PM20D2: variants seen among roughly 807,000 people sequenced by gnomAD.
The protein encoded by PM20D2 is peptidase M20 domain containing 2.
Under a neutral mutation model 42.9 loss-of-function variants are expected in PM20D2, and 33 were observed. The ratio of observed to expected loss-of-function variants is 0.77; its 90% CI spans 0.58 to 1.03. The LOEUF (loss-of-function observed/expected upper bound fraction) is 1.03, where lower values mean the gene tolerates loss of function less well. Ranked by LOEUF, PM20D2 falls within the 50% of genes least tolerant of loss-of-function variation. The pLI is 0.00. For synonymous variants in PM20D2, 250 were observed against 228.2 expected, an observed-to-expected ratio of 1.10 and a Z score of -0.86; for missense variants, 548 against 557.0, an observed-to-expected ratio of 0.98 and a Z score of 0.16.
At chr6:89,130,245 G>T in the PM20D2 span, among the ~76,000 whole-genome samples, 1 of 151,812 alleles carries the variant, frequency 6.6e-6, no homozygotes, top group Non-Finnish European at 1.5e-5. Flanking sequence ...CACCACGCGT[G>T]GCTATTTTAT....
intron 1 of PM20D2, among the ~76,000 whole-genome samples, chr6:89,148,021 G>A (rs1267719431): frequency 8.4e-6 from 1 of 118,800 alleles, no homozygotes; most frequent in Non-Finnish European, 1.6e-5. Context: ...TCATTCTGTC[G>A]CCCAGGCCGA....
rs1771345955 is a variant in PM20D2, at chr6:89,164,525, C to A, written c.*2262C>A. 2.0e-5 allele frequency: 3 copies of A among 152,454 alleles called. 1 individual carries two copies. The highest frequency in any genetic ancestry group is 2.0e-4 in the Admixed American group (3 of 15,268). The allele number at this position is 152,454 out of a possible 1,614,324, so 9.4% of individuals were successfully genotyped here. ...TGATCATTAAATCAAATTTTGTAAA[C>A]AGTGGCAGGAGCGTGGACTTAAAAC... On this transcript the variant is annotated 3_prime_UTR_variant, in exon 7 of 7. Transcript: ENST00000275072.
upstream of PM20D2, among the ~76,000 whole-genome samples, chr6:89,142,266 T>C (rs1227374615): frequency 6.6e-6 from 1 of 152,208 alleles, no homozygotes; most frequent in East Asian, 1.9e-4. Context: ...TTAGCCCAGA[T>C]TGATTTTACA....
chr6:89,119,022 C>T, the PM20D2 span, among the ~76,000 whole-genome samples: 1 of 152,178 alleles, frequency 6.6e-6, no homozygotes, highest in Non-Finnish European at 1.5e-5. Flanking sequence ...GAAGAGTGCC[C>T]CTTTTCGCTC....
the PM20D2 span, among the ~76,000 whole-genome samples, chr6:89,095,341 T>G: frequency 6.6e-6 from 1 of 152,206 alleles, no homozygotes; most frequent in Admixed American, 6.6e-5. Context: ...TTCTCGCGCC[T>G]CAGCCTCCTG....
upstream of PM20D2, chr6:89,146,029 G>A (rs1770521665): frequency 1.1e-5 from 10 of 926,788 alleles, no homozygotes; most frequent in Non-Finnish European, 1.3e-5. Context: ...GGAGCTGTGT[G>A]GCCGCGTGCG....
At chr6:89,149,028 A>G (rs546156233) in intron 1 of PM20D2, among the ~76,000 whole-genome samples, 2 of 152,298 alleles carry the variant, frequency 1.3e-5, no homozygotes, top group East Asian at 1.9e-4. Flanking sequence ...AAATTGGGAA[A>G]AGCTTTTTAT....
At chr6:89,149,659 G>A (rs997069986) in intron 2 of PM20D2, among the ~76,000 whole-genome samples, 4 of 152,154 alleles carry the variant, frequency 2.6e-5, no homozygotes, top group African/African-American at 9.7e-5. Context: ...CAAACATGTT[G>A]ACAATTAAGT....
chr6:89,120,195 C>A, the PM20D2 span, among the ~76,000 whole-genome samples: 2 of 152,166 alleles, frequency 1.3e-5, no homozygotes, highest in African/African-American at 4.8e-5. Context: ...TGGGAGCTAA[C>A]AATTCAAGAT....
chr6:89,103,789 A>G, the PM20D2 span, among the ~76,000 whole-genome samples: 1 of 152,156 alleles, frequency 6.6e-6, no homozygotes, highest in Non-Finnish European at 1.5e-5. Flanking sequence ...GTGATTCACT[A>G]TTATTCTAAT....
chr6:89,094,739 A>G, the PM20D2 span, among the ~76,000 whole-genome samples: 3 of 151,530 alleles, frequency 2.0e-5, no homozygotes, highest in Non-Finnish European at 4.4e-5. Flanking sequence ...GAAGAAATTG[A>G]CATTTGAATG....
At chr6:89,104,915 G>A in the PM20D2 span, among the ~76,000 whole-genome samples, 1 of 151,978 alleles carries the variant, frequency 6.6e-6, no homozygotes, top group African/African-American at 2.4e-5. Context: ...AATTAGCCCA[G>A]TGTGGTGGTG....
chr6:89,109,234 TG>T, the PM20D2 span, among the ~76,000 whole-genome samples: 8 of 152,160 alleles, frequency 5.3e-5, no homozygotes, highest in Non-Finnish European at 7.4e-5. Flanking sequence ...TTTTCCATAG[TG>T]AGGCCCAGTT....
intron 2 of PM20D2, among the ~76,000 whole-genome samples, chr6:89,152,709 C>A (rs764955445): frequency 9.3e-5 from 14 of 151,058 alleles, no homozygotes; most frequent in Non-Finnish European, 1.5e-4. Context: ...CATCACAATG[C>A]TGTGTAAAAA....
chr6:89,159,245 CAT>C (rs1771153790), intron 5 of PM20D2, among the ~76,000 whole-genome samples: 1 of 152,112 alleles, frequency 6.6e-6, no homozygotes, highest in Non-Finnish European at 1.5e-5. Flanking sequence ...TGCCCAAATA[CAT>C]AGAGGAAGAA....
At chr6:89,127,624 A>C in the PM20D2 span, among the ~76,000 whole-genome samples, 8 of 152,142 alleles carry the variant, frequency 5.3e-5, no homozygotes, top group Non-Finnish European at 1.0e-4. Context: ...CACTGCACCT[A>C]GCTGAAATGC....
intron 5 of PM20D2, among the ~76,000 whole-genome samples, chr6:89,161,025 A>G (rs1771217125): frequency 6.6e-6 from 1 of 152,114 alleles, no homozygotes; most frequent in Non-Finnish European, 1.5e-5. Flanking sequence ...ATGCTGCTAG[A>G]CCAATTAGGA....
the PM20D2 span, among the ~76,000 whole-genome samples, chr6:89,138,065 C>CTTTTTTTTT: frequency 6.9e-6 from 1 of 144,756 alleles, no homozygotes; most frequent in African/African-American, 2.5e-5. Flanking sequence ...TTCAAGATTT[C>CTTTTTTTTT]TTTTTTTTTT....
chr6:89,132,935 C>CT, the PM20D2 span, among the ~76,000 whole-genome samples: 1 of 150,422 alleles, frequency 6.6e-6, no homozygotes, highest in East Asian at 2.0e-4. Flanking sequence ...AAAACTGCTA[C>CT]TTAATGGCCA....
Sources: allele counts gnomAD v4.1 joint callset (sites outside exome capture counted in the v4.1 genomes callset), GRCh38; gene constraint gnomAD v4.1.1; transcripts MANE v1.5; gene names NCBI Gene and HGNC (gene_info 2026-07-23, HGNC 2026-07-21).